Variants in NSD3 observed in about 807,000 individuals in gnomAD.
NSD3 encodes nuclear receptor binding SET domain protein 3.
Under a neutral mutation model 160.8 loss-of-function variants are expected in NSD3, and 24 were observed. The observed-to-expected ratio is 0.15, with a 90% CI of 0.11 to 0.21. The LOEUF (loss-of-function observed/expected upper bound fraction) is 0.21. NSD3 is among the 10% of genes least tolerant of loss of function. The pLI is 1.00. For synonymous variants in NSD3, 520 were observed against 600.0 expected, an observed-to-expected ratio of 0.87 and a Z score of 1.95; for missense variants, 1,157 against 1,735.9, an observed-to-expected ratio of 0.67 and a Z score of 5.93.
rs1808440969 is a variant in NSD3, at chr8:38,270,819, G to A, written c.*4822C>T. Reference sequence around the variant, plus strand: ...TACTTACATGTAAATTACTTTTACAGCCTACTGAAGGACAGGCAATTCTCA... The same window carrying A: ...TACTTACATGTAAATTACTTTTACAACCTACTGAAGGACAGGCAATTCTCA... On this transcript the variant is annotated 3_prime_UTR_variant, in exon 24 of 24. Coordinates refer to ENST00000317025, the MANE Select transcript of NSD3 (RefSeq NM_023034.2). The A allele has an allele frequency of 6.6e-6, 1 of 152,186 alleles. No homozygotes were observed. The highest frequency in any genetic ancestry group is 2.4e-5 in the African/African-American group (1 of 41,434). The allele number at this position is 152,186 out of a possible 1,614,324, so 9.4% of individuals were successfully genotyped here.
chr8:38,276,121 T>C (rs1483612451), intron 23 of NSD3, among the ~76,000 whole-genome samples, 175 bp downstream of exon 23: 1 of 152,204 alleles, frequency 6.6e-6, no homozygotes, highest in Non-Finnish European at 1.5e-5. Flanking sequence ...AAACCAATCC[T>C]TGAGGAACCA....
At chr8:38,343,949 GA>G (rs940565574) in intron 2 of NSD3, among the ~76,000 whole-genome samples, 2 of 152,136 alleles carry the variant, frequency 1.3e-5, no homozygotes, top group Non-Finnish European at 2.9e-5. Flanking sequence ...GTGACTGTTT[GA>G]ATAATAGGGC....
intron 1 of NSD3, among the ~76,000 whole-genome samples, chr8:38,361,678 C>G (rs1195162445): frequency 6.9e-6 from 1 of 145,306 alleles, no homozygotes; most frequent in Non-Finnish European, 1.5e-5. Flanking sequence ...TGGAGTGAAC[C>G]TGGGAGGCGG....
intron 19 of NSD3, among the ~76,000 whole-genome samples, chr8:38,285,970 C>G (rs1376137244): frequency 1.3e-5 from 2 of 152,180 alleles, no homozygotes; most frequent in Non-Finnish European, 2.9e-5. Flanking sequence ...ACCACAGCCA[C>G]AGTTATCCTT....
chr8:38,278,295 G>C lies in NSD3; in HGVS notation c.3867+11C>G, dbSNP rs1171286900. The stretch of plus-strand genomic sequence containing the variant: ...GCCTGTTGACTGGGGGCGCTCCCCT[G>C]CAAGACTGACCTTTGGCCGCACTCC... On this transcript the variant is annotated intron_variant, in intron 22 of 23. Transcript: ENST00000317025. 3 of 1,612,766 alleles carry C rather than the reference G, an allele frequency of 1.9e-6. No individual in the cohort carries two copies. The highest frequency in any genetic ancestry group is 3.3e-5 in the Admixed American group (2 of 59,862).
At chr8:38,357,462 T>C (rs1485703711) in intron 1 of NSD3, among the ~76,000 whole-genome samples, 1 of 152,190 alleles carries the variant, frequency 6.6e-6, no homozygotes, top group East Asian at 1.9e-4. Context: ...CACACCATGA[T>C]TTCACTCCTC....
intron 16 of NSD3, among the ~76,000 whole-genome samples, chr8:38,292,697 G>A (rs1157552275): frequency 2.0e-5 from 3 of 152,126 alleles, no homozygotes; most frequent in Non-Finnish European, 4.4e-5. Flanking sequence ...GCTGCGGCAG[G>A]AGAATGGCGT....
chr8:38,379,693 G>A (rs1471987445), intron 1 of NSD3, among the ~76,000 whole-genome samples: 1 of 152,188 alleles, frequency 6.6e-6, no homozygotes, highest in African/African-American at 2.4e-5. Flanking sequence ...AGAGGATGTT[G>A]CCATTTAGGT....
In NSD3 at chr8:38,347,857, G is replaced by A. The variant is rs1411643009; in HGVS notation, c.315C>T (p.Asn105=). ...GSANGFGAVR[N]FSPTDYYHSE... is the part of the protein sequence containing the mutation. ...AATGATAATAGTCAGTGGGGCTAAA[G>A]TTTCTAACTGCACCAAAGCCATTGG... is the stretch of plus-strand genomic sequence containing the variant. The change falls in exon 2 of 24, where the codon AAC becomes AAT. Residue 105 remains asparagine, a synonymous_variant. Coordinates refer to ENST00000317025, the MANE Select transcript of NSD3 (RefSeq NM_023034.2). 6.2e-7 allele frequency: 1 copy of A among 1,614,176 alleles called. No individual in the cohort carries two copies. Among genetic ancestry groups the A allele is most frequent in the Admixed American group, 1.7e-5 (1 of 60,008 alleles).
intron 16 of NSD3, among the ~76,000 whole-genome samples, chr8:38,293,147 A>AAG (rs1023939144): frequency 1.3e-5 from 2 of 151,700 alleles, no homozygotes; most frequent in Admixed American, 6.6e-5. Context: ...AAAAAAAAAA[A>AAG]AAAAAGAAAA....
intron 15 of NSD3, among the ~76,000 whole-genome samples, chr8:38,298,076 G>C (rs1373665578): frequency 6.6e-6 from 1 of 152,184 alleles, no homozygotes; most frequent in Non-Finnish European, 1.5e-5. Flanking sequence ...TTGGTGCTAT[G>C]CAAGAAAACT....
chr8:38,371,428 C>A (rs1418033311), intron 1 of NSD3, among the ~76,000 whole-genome samples: 2 of 152,128 alleles, frequency 1.3e-5, no homozygotes, highest in African/African-American at 4.8e-5. Flanking sequence ...CTACTGCATA[C>A]ACAAAGCCAC....
intron 4 of NSD3, among the ~76,000 whole-genome samples, chr8:38,334,966 G>A (rs1040011600): frequency 6.6e-6 from 1 of 151,554 alleles, no homozygotes; most frequent in East Asian, 1.9e-4. Context: ...AACTGCCTGG[G>A]GGTACCAGGC....
chr8:38,378,554 A>C (rs988499153), intron 1 of NSD3, among the ~76,000 whole-genome samples: 7 of 152,220 alleles, frequency 4.6e-5, no homozygotes, highest in Non-Finnish European at 1.0e-4. Context: ...AGGCAGGAGA[A>C]TGGTGTGAAC....
intron 16 of NSD3, among the ~76,000 whole-genome samples, chr8:38,292,915 T>G (rs1809037082): frequency 6.6e-6 from 1 of 151,302 alleles, no homozygotes; most frequent in African/African-American, 2.4e-5. Context: ...GAGGTTGCAG[T>G]GAGCCAAGAT....
At position 38,329,748 on chromosome 8, in the gene NSD3, G is replaced by C; in HGVS notation, c.1211C>G (p.Ser404Cys). ...YIDKQPEEALSQAKKSVASKT... is the reference protein window; with the variant it reads ...YIDKQPEEALCQAKKSVASKT... Reference sequence around the variant, plus strand: ...GGAGGCAACACTCTTTTTTGCTTGGGATAAAGCCTCTTCAGGCTGTTTATC... The same window carrying C: ...GGAGGCAACACTCTTTTTTGCTTGGCATAAAGCCTCTTCAGGCTGTTTATC... Residue 404 changes from serine to cysteine, a missense_variant, in exon 6 of 24, where the codon TCC becomes TGC. This residue lies in a region of NSD3 where 168 missense variants were observed against 208.1 expected (regional missense o/e 0.81). Coordinates refer to ENST00000317025, the MANE Select transcript of NSD3 (RefSeq NM_023034.2). This position sits in a 1 kb window ranked among gnomAD's most constrained non-coding sequence, Gnocchi z 4.8. 1 of 1,614,044 alleles carries C rather than the reference G, an allele frequency of 6.2e-7. No homozygotes were observed. Among genetic ancestry groups the C allele is most frequent in the East Asian group, 2.2e-5 (1 of 44,888 alleles).
chr8:38,340,485 G>A (rs879521329), intron 2 of NSD3, among the ~76,000 whole-genome samples: 1 of 152,138 alleles, frequency 6.6e-6, no homozygotes, highest in Non-Finnish European at 1.5e-5. Flanking sequence ...ATACAGGCCC[G>A]CACCACCACA....
At chr8:38,355,948 A>AAC (rs1368808162) in intron 1 of NSD3, among the ~76,000 whole-genome samples, 1 of 152,202 alleles carries the variant, frequency 6.6e-6, no homozygotes, top group African/African-American at 2.4e-5. Flanking sequence ...GGAGGGTTCA[A>AAC]ACACACACTC....
intron 15 of NSD3, among the ~76,000 whole-genome samples, chr8:38,296,807 C>T (rs1189862270): frequency 2.0e-5 from 3 of 151,656 alleles, no homozygotes; most frequent in Non-Finnish European, 4.4e-5. Context: ...GAACTCCTGG[C>T]CTCAAGCAAT....
Sources: gnomAD v4.1 joint callset for allele counts (sites outside exome capture counted in the v4.1 genomes callset) on GRCh38, gnomAD v4.1.1 for gene constraint, gnomAD v4.1.1 regional missense constraint, Gnocchi (gnomAD v3.1) non-coding constraint, MANE v1.5 for transcripts, NCBI Gene and HGNC (gene_info 2026-07-23, HGNC 2026-07-21) for gene names.